The following PACS1 variants were observed in gnomAD, a reference collection of about 807,000 sequenced individuals.
PACS1 encodes phosphofurin acidic cluster sorting protein 1, also known as PACS-1.
A neutral mutation model predicts 115.0 loss-of-function variants in PACS1; 24 were observed. That is an observed-to-expected ratio of 0.21 (90% CI 0.15 to 0.29). The LOEUF is 0.29. Ranked by LOEUF, PACS1 falls within the 10% of genes least tolerant of loss-of-function variation. PACS1 has a pLI of 1.00. For synonymous variants in PACS1, 453 were observed against 504.5 expected (o/e 0.90, Z 1.37); for missense variants, 838 against 1,251.2 (o/e 0.67, Z 4.98).
intron 1 of PACS1, among the ~76,000 whole-genome samples, chr11:66,072,015 C>T (rs1033208812): frequency 6.6e-6 from 1 of 152,134 alleles, no homozygotes; most frequent in Non-Finnish European, 1.5e-5. Context: ...CTTCCTTCTA[C>T]AAAGGTAAAC....
At chr11:66,107,296 ACTC>A (rs2134540090) in intron 1 of PACS1, among the ~76,000 whole-genome samples, 1 of 151,834 alleles carries the variant, frequency 6.6e-6, no homozygotes, top group East Asian at 1.9e-4. Context: ...GTTCATTTTC[ACTC>A]CTCCTCAAAG....
intron 19 of PACS1, among the ~76,000 whole-genome samples, chr11:66,237,579 T>G (rs550661969): frequency 1.3e-5 from 2 of 152,284 alleles, no homozygotes; most frequent in East Asian, 3.9e-4. Flanking sequence ...GTCTAGCCAG[T>G]CCCCGGTTAG....
At position 66,239,183 on chromosome 11, in the gene PACS1, T is replaced by C. The variant is rs1301386491; in HGVS notation, c.2335T>C (p.Ser779Pro). 2 of 1,614,088 alleles carry C rather than the reference T, an allele frequency of 1.2e-6. No individual in the cohort carries two copies. Among genetic ancestry groups the C allele is most frequent in the African/African-American group, 2.7e-5 (2 of 75,024 alleles). Residue 779 changes from serine (S) to proline (P), a missense_variant, in exon 21 of 24, where the codon TCC becomes CCC. Ser to Pro is a moderately conservative substitution (Grantham distance 74). This residue lies in a region of PACS1 where 383 missense variants were observed against 537.0 expected (regional missense o/e 0.71). Coordinates refer to ENST00000320580, the MANE Select transcript of PACS1 (RefSeq NM_018026.4). ...DSPVVSLTVPSTSPPSSSGLS... is the reference protein window; with the variant it reads ...DSPVVSLTVPPTSPPSSSGLS... ...TCCTGTGGTCAGCCTTACTGTGCCC[T>C]CCACATCACCACCCTCCAGCTCGGG...
At chr11:66,156,407 G>C (rs1172910804) in intron 1 of PACS1, among the ~76,000 whole-genome samples, 2 of 151,182 alleles carry the variant, frequency 1.3e-5, no homozygotes, top group Non-Finnish European at 3.0e-5. Context: ...ACCACGCCCA[G>C]CTAATTTTTG....
chr11:66,115,535 A>G (rs192438267), intron 1 of PACS1, among the ~76,000 whole-genome samples: 63 of 152,376 alleles, frequency 4.1e-4, no homozygotes, highest in Admixed American at 3.5e-3. Context: ...ATGTTTAAGC[A>G]GAATTAGTTA....
chr11:66,086,222 C>T (rs1225623172), intron 1 of PACS1, among the ~76,000 whole-genome samples: 1 of 150,610 alleles, frequency 6.6e-6, no homozygotes, highest in Non-Finnish European at 1.5e-5. Context: ...ACTGCAGGCT[C>T]CGCCCCCCGG....
chr11:66,220,287 T>G, intron 8 of PACS1: 1 of 311,416 alleles, frequency 3.2e-6, no homozygotes, highest in Non-Finnish European at 6.0e-6. Flanking sequence ...AACAGAGGGA[T>G]AAAGATGAAA....
intron 1 of PACS1, among the ~76,000 whole-genome samples, chr11:66,080,511 T>G (rs744434): frequency 0.027 from 4,046 of 152,266 alleles, 172 homozygotes; most frequent in African/African-American, 0.092. Context: ...GACCAGAGCA[T>G]TTACTGTGTG....
chr11:66,099,938 T>C (rs892612722), intron 1 of PACS1, among the ~76,000 whole-genome samples: 3 of 151,878 alleles, frequency 2.0e-5, no homozygotes, highest in Non-Finnish European at 4.4e-5. Context: ...AACCTTGGCT[T>C]GCTGCAACCT....
intron 11 of PACS1, among the ~76,000 whole-genome samples, chr11:66,228,005 A>G (rs1855501447): frequency 6.6e-6 from 1 of 152,150 alleles, no homozygotes; most frequent in Non-Finnish European, 1.5e-5. Flanking sequence ...CCAGGAGTGC[A>G]GGCCTAAGCC....
chr11:66,082,864 T>C lies in PACS1; in HGVS notation c.356+12022T>C, dbSNP rs549647703. ...GAGCAAAACTCTGTTTCAAAAAATA[T>C]AAAATAAAATGTCTGAGCATCTATG... On this transcript the variant is annotated intron_variant, in intron 1 of 23. Coordinates refer to ENST00000320580, the MANE Select transcript of PACS1 (RefSeq NM_018026.4). 2.0e-5 allele frequency among the ~76,000 whole-genome samples: 3 copies of C among 152,252 alleles called. No homozygotes were observed. In the South Asian group the frequency reaches 6.2e-4, roughly 32 times the overall value.
chr11:66,174,006 C>T (rs1033643174), intron 1 of PACS1, among the ~76,000 whole-genome samples: 9 of 151,854 alleles, frequency 5.9e-5, no homozygotes, highest in South Asian at 2.1e-4. Context: ...GAGTCGAGAT[C>T]GTGCCATTGC....
intron 2 of PACS1, among the ~76,000 whole-genome samples, chr11:66,205,028 A>G (rs1241965784): frequency 6.6e-6 from 1 of 151,888 alleles, no homozygotes; most frequent in East Asian, 1.9e-4. Flanking sequence ...CTTGTTGCCT[A>G]GGCTGCAGTG....
At chr11:66,098,167 A>C (rs2134523281) in intron 1 of PACS1, among the ~76,000 whole-genome samples, 1 of 152,320 alleles carries the variant, frequency 6.6e-6, no homozygotes, top group South Asian at 2.1e-4. Flanking sequence ...ACAGAGTGAG[A>C]TTCCGTCTCA....
chr11:66,110,185 T>C (rs1858155280), intron 1 of PACS1, among the ~76,000 whole-genome samples: 1 of 152,178 alleles, frequency 6.6e-6, no homozygotes, highest in East Asian at 1.9e-4. Flanking sequence ...CTTAGTCTCA[T>C]TGATGATTCA....
intron 11 of PACS1, among the ~76,000 whole-genome samples, chr11:66,228,394 A>G (rs1041644466): frequency 6.6e-6 from 1 of 152,180 alleles, no homozygotes; most frequent in Non-Finnish European, 1.5e-5. Flanking sequence ...AGACTACATT[A>G]AAGATCTTAT....
At chr11:66,193,669 G>T (rs888427654) in intron 2 of PACS1, 96 bp downstream of exon 2, 5 of 786,096 alleles carry the variant, frequency 6.4e-6, no homozygotes, top group South Asian at 1.6e-5. Context: ...GACCACCTCT[G>T]TCTTCCTCCT....
intron 1 of PACS1, among the ~76,000 whole-genome samples, chr11:66,133,508 A>G (rs1043059663): frequency 2.6e-5 from 4 of 152,128 alleles, no homozygotes; most frequent in Non-Finnish European, 4.4e-5. Flanking sequence ...GTAGATCCAG[A>G]GATGTCATTG....
intron 21 of PACS1, among the ~76,000 whole-genome samples, chr11:66,239,673 T>C (rs1855773654): frequency 6.6e-6 from 1 of 152,214 alleles, no homozygotes; most frequent in Non-Finnish European, 1.5e-5. Context: ...TGTCTTGTTA[T>C]GGGACCTCCC....
Sources: allele counts gnomAD v4.1 joint callset (sites outside exome capture counted in the v4.1 genomes callset), GRCh38; gene constraint gnomAD v4.1.1; regional missense constraint gnomAD v4.1.1; transcripts MANE v1.5; gene names NCBI Gene and HGNC (gene_info 2026-07-23, HGNC 2026-07-21).